Variants in SGCD observed in about 807,000 individuals in gnomAD.
SGCD encodes sarcoglycan delta, also known as delta-sarcoglycan.
SGCD carries 18 observed loss-of-function variants against 36.6 expected under a neutral mutation model. The ratio of observed to expected loss-of-function variants is 0.49; its 90% CI spans 0.34 to 0.73. The LOEUF is 0.73. Ranked by LOEUF, SGCD falls within the 30% of genes least tolerant of loss-of-function variation. The pLI is 0.01. For synonymous variants in SGCD, 133 were observed against 130.6 expected (o/e 1.02, Z -0.12); for missense variants, 387 against 346.7 (o/e 1.12, Z -0.92).
chr5:155,823,608 T>A, the SGCD span, among the ~76,000 whole-genome samples: 1 of 152,304 alleles, frequency 6.6e-6, no homozygotes. Flanking sequence ...TGGTGCATGA[T>A]GTGGCTCCGC....
At chr5:156,722,576 T>A (rs1022939436) in intron 7 of SGCD, among the ~76,000 whole-genome samples, 1 of 152,240 alleles carries the variant, frequency 6.6e-6, no homozygotes, top group Non-Finnish European at 1.5e-5. Flanking sequence ...CTTATCACAC[T>A]GTGTTTTAGT....
At chr5:156,053,341 C>A (rs565713975) in intron 1 of SGCD, among the ~76,000 whole-genome samples, 1 of 146,018 alleles carries the variant, frequency 6.8e-6, no homozygotes, top group Admixed American at 6.8e-5. Flanking sequence ...GCTGTCACTG[C>A]TCAGTGACAG....
intron 7 of SGCD, among the ~76,000 whole-genome samples, chr5:156,742,254 C>CAAAT (rs1469582138): frequency 3.9e-5 from 6 of 152,142 alleles, no homozygotes; most frequent in Non-Finnish European, 5.9e-5. Flanking sequence ...CAACCACAAT[C>CAAAT]AAATACACCT....
At chr5:156,101,317 A>G (rs368815034) in intron 1 of SGCD, among the ~76,000 whole-genome samples, 73 of 152,342 alleles carry the variant, frequency 4.8e-4, no homozygotes, top group African/African-American at 1.7e-3. Context: ...CAGCTAATCA[A>G]TTTAAGGCAC....
intron 3 of SGCD, among the ~76,000 whole-genome samples, chr5:156,229,295 T>TACAC (rs1264426450): frequency 0.019 from 2,385 of 125,804 alleles, 150 homozygotes; most frequent in Non-Finnish European, 0.023. Context: ...TATATATATA[T>TACAC]ATATAAAATT....
intron 1 of SGCD, among the ~76,000 whole-genome samples, chr5:155,985,881 T>C (rs1195687653): frequency 6.6e-6 from 1 of 152,116 alleles, no homozygotes. Context: ...CTTTTCCCCT[T>C]TCACAGAAAT....
chr5:156,685,430 T>G (rs1002397722), intron 7 of SGCD, among the ~76,000 whole-genome samples: 2 of 152,204 alleles, frequency 1.3e-5, no homozygotes, highest in African/African-American at 4.8e-5. Flanking sequence ...GAAATGGAGT[T>G]AGGCATATGC....
chr5:156,737,031 T>C (rs745501042), intron 7 of SGCD, among the ~76,000 whole-genome samples: 1 of 152,186 alleles, frequency 6.6e-6, no homozygotes, highest in Non-Finnish European at 1.5e-5. Flanking sequence ...CTAACCAAAA[T>C]ATTTATTTAA....
At chr5:156,754,152 C>G (rs577888739) in intron 7 of SGCD, among the ~76,000 whole-genome samples, 63 of 152,298 alleles carry the variant, frequency 4.1e-4, no homozygotes, top group African/African-American at 1.4e-3. Context: ...GAGTCTACCT[C>G]TCCGGCCTGG....
intron 7 of SGCD, among the ~76,000 whole-genome samples, chr5:156,717,186 C>T (rs1274424806): frequency 6.6e-6 from 1 of 152,188 alleles, no homozygotes; most frequent in Admixed American, 6.5e-5. Context: ...TTAACTGGGT[C>T]ACTTTACATA....
chr5:156,488,697 G>T (rs1243812146), intron 3 of SGCD, among the ~76,000 whole-genome samples: 1 of 152,046 alleles, frequency 6.6e-6, no homozygotes, highest in Non-Finnish European at 1.5e-5. Context: ...CTACCATCAT[G>T]AAAACACATA....
chr5:156,018,015 C>T (rs1759021550), intron 1 of SGCD, among the ~76,000 whole-genome samples: 1 of 151,932 alleles, frequency 6.6e-6, no homozygotes, highest in African/African-American at 2.4e-5. Context: ...AAATAATTAT[C>T]TGGGCATGGT....
At chr5:156,136,388 A>G (rs534011249) in intron 3 of SGCD, among the ~76,000 whole-genome samples, 35 of 152,374 alleles carry the variant, frequency 2.3e-4, no homozygotes, top group African/African-American at 8.2e-4. Context: ...CTGGGATTAT[A>G]GGTGTGAGTC....
At chr5:156,327,956 T>TA (rs1430473591) in intron 1 of SGCD, among the ~76,000 whole-genome samples, 1 of 152,172 alleles carries the variant, frequency 6.6e-6, no homozygotes, top group Admixed American at 6.5e-5. Flanking sequence ...ACATAGATAA[T>TA]AAAAAAGTAA....
the SGCD span, among the ~76,000 whole-genome samples, chr5:155,732,691 A>G: frequency 6.6e-6 from 1 of 152,156 alleles, no homozygotes; most frequent in Non-Finnish European, 1.5e-5. Flanking sequence ...ACTCCCCTAA[A>G]GGCTTACTGA....
chr5:156,346,455 T>C (rs534648894), intron 3 of SGCD, among the ~76,000 whole-genome samples: 1 of 152,254 alleles, frequency 6.6e-6, no homozygotes, highest in African/African-American at 2.4e-5. Context: ...CACACCATCA[T>C]GCTTGACTAA....
intron 1 of SGCD, among the ~76,000 whole-genome samples, chr5:155,882,494 A>G (rs528020666): frequency 1.3e-5 from 2 of 152,300 alleles, no homozygotes; most frequent in African/African-American, 4.8e-5. Context: ...CTTACCAAAT[A>G]TATTTCTTAT....
chr5:156,407,265 A>C (rs774284634), intron 3 of SGCD, among the ~76,000 whole-genome samples: 1 of 152,190 alleles, frequency 6.6e-6, no homozygotes, highest in Non-Finnish European at 1.5e-5. Context: ...TATGGATACT[A>C]AGCCAGCACA....
At chr5:155,956,804 C>T (rs1039077520) in intron 1 of SGCD, among the ~76,000 whole-genome samples, 201 of 150,704 alleles carry the variant, frequency 1.3e-3, no homozygotes, top group Admixed American at 4.7e-3. Context: ...AGGGCCCCCC[C>T]CCCCGGTTAA....
Sources: gnomAD v4.1 joint callset for allele counts (sites outside exome capture counted in the v4.1 genomes callset) on GRCh38, gnomAD v4.1.1 for gene constraint, MANE v1.5 for transcripts, NCBI Gene and HGNC (gene_info 2026-07-23, HGNC 2026-07-21) for gene names.